MGAT4C: variants seen among roughly 807,000 people sequenced by gnomAD.
MGAT4C encodes the protein alpha-1,3-mannosyl-glycoprotein 4-beta-N-acetylglucosaminyltransferase C.
Under a neutral mutation model 40.1 loss-of-function variants are expected in MGAT4C, and 19 were observed. The ratio of observed to expected loss-of-function variants is 0.47; its 90% CI spans 0.33 to 0.70. MGAT4C has a LOEUF of 0.70. Among genes scored for constraint, MGAT4C ranks in the 30% least tolerant of loss-of-function variants. The probability of loss-of-function intolerance (pLI) is 0.02; values close to 1 mark genes in which losing one functional copy is unlikely to be tolerated. For missense variants in MGAT4C, 491 were observed against 563.2 expected (o/e 0.87, Z 1.30); for synonymous variants, 181 against 187.1 (o/e 0.97, Z 0.27).
chr12:86,675,855 A>G (rs1004611616), intron 2 of MGAT4C, among the ~76,000 whole-genome samples: 17 of 152,150 alleles, frequency 1.1e-4, no homozygotes, highest in Admixed American at 3.3e-4. Context: ...GCATCTAGCT[A>G]ATGTGAAATA....
At chr12:86,538,733 G>T (rs973518287) in intron 2 of MGAT4C, among the ~76,000 whole-genome samples, 1 of 151,402 alleles carries the variant, frequency 6.6e-6, no homozygotes, top group Non-Finnish European at 1.5e-5. Flanking sequence ...TCAGCCTCCG[G>T]AGTAGCTGGG....
At chr12:86,263,305 T>C (rs952343521) in intron 4 of MGAT4C, among the ~76,000 whole-genome samples, 2 of 152,160 alleles carry the variant, frequency 1.3e-5, no homozygotes, top group Non-Finnish European at 2.9e-5. Flanking sequence ...ACCCATTCAG[T>C]AATTTCTCTT....
intron 1 of MGAT4C, among the ~76,000 whole-genome samples, chr12:86,789,806 T>C (rs1237330502): frequency 3.3e-5 from 5 of 152,178 alleles, no homozygotes; most frequent in Non-Finnish European, 5.9e-5. Context: ...AAACTTTGAA[T>C]AGATTAACTT....
chr12:86,316,906 C>T (rs1259432934), intron 4 of MGAT4C, among the ~76,000 whole-genome samples: 1 of 150,948 alleles, frequency 6.6e-6, no homozygotes, highest in East Asian at 1.9e-4. Flanking sequence ...AGCCCTAAGC[C>T]AAAAAAGTAA....
intron 1 of MGAT4C, among the ~76,000 whole-genome samples, chr12:86,072,725 T>G (rs1014803480): frequency 3.9e-5 from 6 of 152,188 alleles, no homozygotes; most frequent in African/African-American, 1.4e-4. Flanking sequence ...AATTTCCAGA[T>G]TGAACAAAAG....
At chr12:86,236,153 A>G (rs1443711671) in intron 1 of MGAT4C, among the ~76,000 whole-genome samples, 2 of 152,088 alleles carry the variant, frequency 1.3e-5, no homozygotes, top group African/African-American at 2.4e-5. Context: ...TATGTTTTCA[A>G]TGAAAGTACA....
intron 4 of MGAT4C, among the ~76,000 whole-genome samples, chr12:86,261,990 G>T (rs1049395416): frequency 6.6e-6 from 1 of 151,990 alleles, no homozygotes; most frequent in Non-Finnish European, 1.5e-5. Flanking sequence ...CTATGACATT[G>T]AGCAGTAGGA....
intron 1 of MGAT4C, among the ~76,000 whole-genome samples, chr12:86,157,328 C>T (rs1237340812): frequency 3.9e-5 from 6 of 151,928 alleles, no homozygotes; most frequent in Admixed American, 3.9e-4. Flanking sequence ...TCAATTACAT[C>T]CATATGGAAT....
intron 3 of MGAT4C, among the ~76,000 whole-genome samples, chr12:86,409,071 G>A (rs1160840652): frequency 6.6e-6 from 1 of 152,066 alleles, no homozygotes; most frequent in Non-Finnish European, 1.5e-5. Context: ...GAAATTTCGA[G>A]AAAGAAAATT....
At chr12:86,739,611 A>G (rs1212292898) in intron 1 of MGAT4C, among the ~76,000 whole-genome samples, 2 of 151,046 alleles carry the variant, frequency 1.3e-5, no homozygotes, top group Non-Finnish European at 3.0e-5. Flanking sequence ...ACAGAATAAT[A>G]ACAATTTACA....
intron 1 of MGAT4C, among the ~76,000 whole-genome samples, chr12:86,243,917 T>C (rs1233286913): frequency 6.6e-6 from 1 of 152,138 alleles, no homozygotes; most frequent in East Asian, 1.9e-4. Flanking sequence ...CACAGCAATA[T>C]AAAACAAATA....
intron 1 of MGAT4C, among the ~76,000 whole-genome samples, chr12:86,734,142 CT>C (rs557159241): frequency 6.6e-6 from 1 of 151,802 alleles, no homozygotes; most frequent in Non-Finnish European, 1.5e-5. Flanking sequence ...TTTAAGTTGC[CT>C]TTATAAAAGA....
chr12:86,756,370 C>T (rs962744263), intron 1 of MGAT4C, among the ~76,000 whole-genome samples: 1 of 152,086 alleles, frequency 6.6e-6, no homozygotes, highest in Admixed American at 6.6e-5. Context: ...CAACCAAAGG[C>T]CTCTGTCTTC....
At chr12:86,729,361 T>G (rs1472154026) in intron 1 of MGAT4C, among the ~76,000 whole-genome samples, 1 of 151,926 alleles carries the variant, frequency 6.6e-6, no homozygotes, top group Non-Finnish European at 1.5e-5. Flanking sequence ...CCACAAAAAT[T>G]TAAAAAAATA....
chr12:85,985,679 T>C (rs1885123037), intron 3 of MGAT4C, among the ~76,000 whole-genome samples: 1 of 152,132 alleles, frequency 6.6e-6, no homozygotes, highest in Non-Finnish European at 1.5e-5. Flanking sequence ...AATATACTAA[T>C]TGGCTATCCA....
intron 2 of MGAT4C, among the ~76,000 whole-genome samples, chr12:86,531,405 T>A (rs1958980897): frequency 6.6e-6 from 1 of 152,012 alleles, no homozygotes; most frequent in East Asian, 1.9e-4. Flanking sequence ...TGCACAGCAG[T>A]CTCCTATGAC....
At chr12:86,716,819 A>C (rs2136639147) in intron 2 of MGAT4C, among the ~76,000 whole-genome samples, 1 of 152,242 alleles carries the variant, frequency 6.6e-6, no homozygotes, top group African/African-American at 2.4e-5. Context: ...TGAGATGGGG[A>C]TAAGACACTA....
At chr12:86,672,060 A>C (rs2136564826) in intron 2 of MGAT4C, among the ~76,000 whole-genome samples, 1 of 152,308 alleles carries the variant, frequency 6.6e-6, no homozygotes, top group Non-Finnish European at 1.5e-5. Flanking sequence ...TAAAACATTC[A>C]GAACCTTGAA....
Position 86,250,330 on chromosome 12 carries a change from TGAGAGAGAGAGAGA to T in MGAT4C, c.-57+5895_-57+5908del, listed in dbSNP as rs3047014. On this transcript the variant is annotated intron_variant, in intron 1 of 4. Coordinates refer to ENST00000611864, the MANE Select transcript of MGAT4C (RefSeq NM_001351288.2). The stretch of plus-strand genomic sequence containing the variant: ...ACAAGCAACCTACACACACACACAC[TGAGAGAGAGAGAGA>T]GAGAGAGAGAGAGAGAGAGAGAGAG... 0.022 allele frequency among the ~76,000 whole-genome samples: 3,137 copies of T among 142,894 alleles called. 226 individuals are homozygous for T. In the East Asian group the frequency reaches 0.25, roughly 11 times the overall value. 93.7% of individuals were successfully genotyped at this position (142,894 alleles called of 152,430 possible). A position where few individuals can be genotyped will look rare whatever the true frequency, so the allele number is the denominator to read the frequency against.
Sources: gnomAD v4.1 joint callset for allele counts (sites outside exome capture counted in the v4.1 genomes callset) on GRCh38, gnomAD v4.1.1 for gene constraint, MANE v1.5 for transcripts, NCBI Gene and HGNC (gene_info 2026-07-23, HGNC 2026-07-21) for gene names.